Variants in UNC5C observed in about 807,000 individuals in gnomAD.
UNC5C encodes netrin receptor UNC5C.
Under a neutral mutation model 99.8 loss-of-function variants are expected in UNC5C, and 47 were observed. The ratio of observed to expected loss-of-function variants is 0.47; its 90% CI spans 0.37 to 0.60. UNC5C has a LOEUF of 0.60. Among genes scored for constraint, UNC5C ranks in the 20% least tolerant of loss-of-function variants. The pLI is 0.00. For missense variants in UNC5C, 1,062 were observed against 1,165.9 expected (o/e 0.91, Z 1.30); for synonymous variants, 487 against 452.2 (o/e 1.08, Z -0.98).
At chr4:95,433,473 A>C (rs1260646322) in intron 1 of UNC5C, among the ~76,000 whole-genome samples, 1 of 152,022 alleles carries the variant, frequency 6.6e-6, no homozygotes, top group Non-Finnish European at 1.5e-5. Context: ...AAGTTGAAGA[A>C]ATTTTGCAGT....
chr4:95,545,528 T>C (rs1197841335), intron 1 of UNC5C, among the ~76,000 whole-genome samples: 1 of 152,058 alleles, frequency 6.6e-6, no homozygotes, highest in Non-Finnish European at 1.5e-5. Context: ...ATTTTTACTC[T>C]TTTGTAGGAA....
intron 1 of UNC5C, among the ~76,000 whole-genome samples, chr4:95,518,930 T>A (rs1378525075): frequency 6.6e-5 from 10 of 152,178 alleles, no homozygotes; most frequent in Admixed American, 6.5e-4. Flanking sequence ...AAAGTATTAC[T>A]TCCCAAAGTG....
chr4:95,440,139 C>A (rs141094570), intron 1 of UNC5C, among the ~76,000 whole-genome samples: 4 of 152,256 alleles, frequency 2.6e-5, no homozygotes, highest in African/African-American at 9.6e-5. Context: ...GGTTTTCCTG[C>A]AGAGATTATA....
chr4:95,313,369 CTA>C (rs1742342921), intron 2 of UNC5C, among the ~76,000 whole-genome samples: 1 of 152,056 alleles, frequency 6.6e-6, no homozygotes, highest in Non-Finnish European at 1.5e-5. Flanking sequence ...TAATTTGTCT[CTA>C]TGAGTAAACA....
chr4:95,180,772 G>C (rs1281734502), intron 14 of UNC5C, among the ~76,000 whole-genome samples: 3 of 152,218 alleles, frequency 2.0e-5, no homozygotes, highest in Non-Finnish European at 2.9e-5. Context: ...TGGCAAGCCA[G>C]CTCATTCCTG....
intron 14 of UNC5C, among the ~76,000 whole-genome samples, chr4:95,179,441 C>CTTT (rs1736512693): frequency 6.6e-6 from 1 of 152,130 alleles, no homozygotes; most frequent in South Asian, 2.1e-4. Context: ...ACCTATAAAT[C>CTTT]TATTATTAAA....
rs193223535 is a variant in UNC5C, at chr4:95,216,113, A to T, written c.1733+11T>A. 2 of 1,609,456 alleles carry T rather than the reference A, an allele frequency of 1.2e-6. No individual in the cohort carries two copies. Among genetic ancestry groups the T allele is most frequent in the Admixed American group, 3.3e-5 (2 of 59,746 alleles). On this transcript the variant is annotated intron_variant, in intron 10 of 15. Coordinates refer to ENST00000453304, the MANE Select transcript of UNC5C (RefSeq NM_003728.4). ...TTGGTAAAGTCAGTGCACCAGAAAA[A>T]GCATATTTACCTCATAGTTTCTTTC...
chr4:95,444,422 C>G (rs773092135), intron 1 of UNC5C, among the ~76,000 whole-genome samples: 8 of 152,192 alleles, frequency 5.3e-5, no homozygotes, highest in African/African-American at 1.2e-4. Context: ...GATCCGCCCC[C>G]CTGGCTTCAC....
intron 1 of UNC5C, among the ~76,000 whole-genome samples, chr4:95,495,235 C>A (rs1721599202): frequency 6.6e-6 from 1 of 151,508 alleles, no homozygotes; most frequent in African/African-American, 2.4e-5. Context: ...ACTCCCCACT[C>A]CCTTCTCTTG....
chr4:95,370,597 A>G (rs1217428044), intron 1 of UNC5C, among the ~76,000 whole-genome samples: 2 of 152,032 alleles, frequency 1.3e-5, no homozygotes, highest in Non-Finnish European at 2.9e-5. Context: ...GTTTATTTGT[A>G]CTCATTTTCA....
Position 95,214,925 on chromosome 4 carries a change from A to T in UNC5C, c.1733+1199T>A, listed in dbSNP as rs117189864. Among the ~76,000 whole-genome samples, 197 of 152,318 alleles carry T rather than the reference A, an allele frequency of 1.3e-3. 2 individuals carry two copies. In the East Asian group the frequency reaches 0.037, roughly 29 times the overall value. Reference sequence around the variant, plus strand: ...TGGGAATGAAAAAAATGAATATTTGATGTGGGTAAATACAAGCCTTTTAGT... The same window carrying T: ...TGGGAATGAAAAAAATGAATATTTGTTGTGGGTAAATACAAGCCTTTTAGT... On this transcript the variant is annotated intron_variant, in intron 10 of 15. Transcript: ENST00000453304.
intron 7 of UNC5C, among the ~76,000 whole-genome samples, chr4:95,228,576 A>G (rs938936679): frequency 6.6e-6 from 1 of 152,202 alleles, no homozygotes; most frequent in Non-Finnish European, 1.5e-5. Flanking sequence ...AACATTATAA[A>G]GCTGGTGAAA....
At chr4:95,252,050 T>C (rs981586917) in intron 4 of UNC5C, among the ~76,000 whole-genome samples, 5 of 152,236 alleles carry the variant, frequency 3.3e-5, no homozygotes, top group African/African-American at 9.6e-5. Context: ...GTTTTAAATA[T>C]GTATTTTGTT....
intron 1 of UNC5C, among the ~76,000 whole-genome samples, chr4:95,410,939 C>T (rs1745968528): frequency 6.6e-6 from 1 of 152,132 alleles, no homozygotes; most frequent in Non-Finnish European, 1.5e-5. Flanking sequence ...GTTTGGAGGG[C>T]AGAGGAATAA....
At chr4:95,309,060 C>T (rs996075996) in intron 2 of UNC5C, among the ~76,000 whole-genome samples, 1 of 152,098 alleles carries the variant, frequency 6.6e-6, no homozygotes, top group African/African-American at 2.4e-5. Context: ...ATCAAAATAG[C>T]ATAATGCTAG....
chr4:95,453,392 C>G (rs1460289509), intron 1 of UNC5C, among the ~76,000 whole-genome samples: 1 of 150,888 alleles, frequency 6.6e-6, no homozygotes, highest in Admixed American at 6.6e-5. Flanking sequence ...AATTTTAATA[C>G]AATAAGTATA....
rs757516735 is a variant in UNC5C, at chr4:95,309,634, C to T, written c.347-7885G>A. Among the ~76,000 whole-genome samples, 9 of 152,156 alleles carry T rather than the reference C, an allele frequency of 5.9e-5. No homozygotes were observed. In the South Asian group the frequency reaches 6.2e-4, roughly 11 times the overall value. ...ACTGGGCAGAGGATCCCAAAAGACA[C>T]GTTTCAAAAGAAGACATACAAATGG... On this transcript the variant is annotated intron_variant, in intron 2 of 15. Transcript: ENST00000453304.
intron 1 of UNC5C, among the ~76,000 whole-genome samples, chr4:95,438,435 C>T (rs75222032): frequency 0.049 from 3,324 of 68,266 alleles, 137 homozygotes; most frequent in African/African-American, 0.12. Flanking sequence ...AGGAACGTCT[C>T]TTTTTGAAAA....
At chr4:95,170,875 C>G (rs1420945478) in intron 14 of UNC5C, among the ~76,000 whole-genome samples, 1 of 152,192 alleles carries the variant, frequency 6.6e-6, no homozygotes, top group African/African-American at 2.4e-5. Context: ...TAGCTCTCCT[C>G]TAAATGATAT....
Sources: allele counts gnomAD v4.1 joint callset (sites outside exome capture counted in the v4.1 genomes callset), GRCh38; gene constraint gnomAD v4.1.1; transcripts MANE v1.5; gene names NCBI Gene and HGNC (gene_info 2026-07-23, HGNC 2026-07-21).